The following ZEB2 variants were observed in gnomAD, a reference collection of about 807,000 sequenced individuals.
ZEB2 encodes the protein zinc finger E-box binding homeobox 2.
A neutral mutation model predicts 99.9 loss-of-function variants in ZEB2; 6 were observed. The ratio of observed to expected loss-of-function variants is 0.06; its 90% confidence interval spans 0.03 to 0.12. The LOEUF (loss-of-function observed/expected upper bound fraction) is 0.12, where lower values mean the gene tolerates loss of function less well. Ranked by LOEUF, ZEB2 falls within the 10% of genes least tolerant of loss-of-function variation. The probability of loss-of-function intolerance (pLI) is 1.00; values close to 1 mark genes in which losing one functional copy is unlikely to be tolerated. For synonymous variants in ZEB2, 517 were observed against 542.5 expected, an observed-to-expected ratio of 0.95 and a Z score of 0.65; for missense variants, 969 against 1,502.8, an observed-to-expected ratio of 0.64 and a Z score of 5.87.
chr2:144,388,768 C>A lies in ZEB2; in HGVS notation c.*683G>T. ...CAGATTAAAAGGTTTGCATATAAGG[C>A]TTTTAAAACCACCTTACAAAGGCTT... On this transcript the variant is annotated 3_prime_UTR_variant, in exon 10 of 10. Transcript: ENST00000627532. The surrounding 1 kb of genome is among the most constrained non-coding windows in gnomAD (Gnocchi z 5.4). The A allele has an allele frequency of 2.4e-6, 1 of 414,696 alleles. No homozygotes were observed. 25.7% of individuals were successfully genotyped at this position (414,696 alleles called of 1,614,324 possible).
At chr2:144,508,085 C>T (rs745923697) in intron 2 of ZEB2, among the ~76,000 whole-genome samples, 17 of 152,140 alleles carry the variant, frequency 1.1e-4, no homozygotes, top group South Asian at 6.2e-4. Context: ...CATGCTTGGT[C>T]GTTCATACAA....
intron 2 of ZEB2, chr2:144,462,630 C>G (rs1188850300): frequency 6.6e-6 from 1 of 152,008 alleles, no homozygotes; most frequent in Non-Finnish European, 1.5e-5. Context: ...TTTTTCAGAA[C>G]CAAAAAATTA....
chr2:144,466,429 T>G (rs931966048), intron 2 of ZEB2, among the ~76,000 whole-genome samples: 1 of 152,168 alleles, frequency 6.6e-6, no homozygotes, highest in Non-Finnish European at 1.5e-5. Context: ...TTTCTTTATA[T>G]GAAAAACGAA....
chr2:144,467,428 T>G (rs1028687788), intron 2 of ZEB2, among the ~76,000 whole-genome samples: 9 of 152,126 alleles, frequency 5.9e-5, no homozygotes, highest in Admixed American at 2.0e-4. Context: ...TGGAGGCGGA[T>G]AGTGGGGAGA....
At chr2:144,506,185 C>T (rs907850408) in intron 2 of ZEB2, among the ~76,000 whole-genome samples, 5 of 152,152 alleles carry the variant, frequency 3.3e-5, no homozygotes, top group Admixed American at 6.5e-5. Context: ...ATTAATTCTT[C>T]GCCTCTACTA....
chr2:144,428,071 T>C (rs1202151071), intron 3 of ZEB2: 2 of 152,222 alleles, frequency 1.3e-5, no homozygotes, highest in Non-Finnish European at 1.5e-5. Context: ...AAAAGAGGTT[T>C]GGGGCTGTAC....
chr2:144,507,822 G>A (rs1384507606), intron 2 of ZEB2, among the ~76,000 whole-genome samples: 14 of 152,160 alleles, frequency 9.2e-5, no homozygotes. Flanking sequence ...TTGCTGAGGG[G>A]AGACAAAGTT....
chr2:144,459,688 TA>T (rs1018963404), intron 2 of ZEB2, among the ~76,000 whole-genome samples: 1 of 152,206 alleles, frequency 6.6e-6, no homozygotes, highest in African/African-American at 2.4e-5. Context: ...TTATTATTTC[TA>T]AAAAATCTTT....
chr2:144,436,684 G>A (rs562089869), intron 2 of ZEB2, among the ~76,000 whole-genome samples: 1 of 152,126 alleles, frequency 6.6e-6, no homozygotes, highest in Non-Finnish European at 1.5e-5. Context: ...CCATACATTT[G>A]TTGAGGTTCT....
intron 6 of ZEB2, among the ~76,000 whole-genome samples, chr2:144,402,624 A>C (rs1231798158): frequency 6.6e-6 from 1 of 152,208 alleles, no homozygotes; most frequent in East Asian, 1.9e-4. Flanking sequence ...ACTTTTCAAC[A>C]CCAAAGCTAC....
intron 6 of ZEB2, among the ~76,000 whole-genome samples, chr2:144,401,979 G>C (rs1330223538): frequency 1.3e-5 from 2 of 152,136 alleles, no homozygotes; most frequent in Admixed American, 6.5e-5. Context: ...ATTATCAAAC[G>C]TAAGAGACAA....
chr2:144,443,881 G>A (rs991313284), intron 2 of ZEB2, among the ~76,000 whole-genome samples: 3 of 151,668 alleles, frequency 2.0e-5, no homozygotes, highest in African/African-American at 7.3e-5. Context: ...AAAACAGTTT[G>A]TACTGTTCAG....
At chr2:144,485,962 C>A (rs144485902) in intron 2 of ZEB2, among the ~76,000 whole-genome samples, 4 of 152,276 alleles carry the variant, frequency 2.6e-5, no homozygotes, top group African/African-American at 7.2e-5. Context: ...AAAAAGGAAT[C>A]GGTGATTTTA....
intron 4 of ZEB2, among the ~76,000 whole-genome samples, chr2:144,409,657 T>C (rs1047141063): frequency 2.0e-5 from 3 of 152,194 alleles, no homozygotes; most frequent in Admixed American, 2.0e-4. Flanking sequence ...CAATCTTCTC[T>C]AAGGTTAGAT....
intron 2 of ZEB2, chr2:144,513,065 C>G: frequency 1.6e-6 from 2 of 1,287,178 alleles, no homozygotes; most frequent in Non-Finnish European, 2.0e-6. Context: ...ACTCTCGTTG[C>G]CCCATCCCAA....
chr2:144,463,774 A>T (rs1188693175), intron 2 of ZEB2: 3 of 152,224 alleles, frequency 2.0e-5, no homozygotes, highest in Admixed American at 6.6e-5. Flanking sequence ...TCAAGGCTGC[A>T]GTGAACCATG....
chr2:144,399,425 C>G lies in ZEB2; in HGVS notation c.1762G>C (p.Glu588Gln). The G allele has an allele frequency of 6.2e-7, 1 of 1,614,150 alleles. No individual in the cohort carries two copies. The highest frequency in any genetic ancestry group is 8.5e-7 in the Non-Finnish European group (1 of 1,180,018). ...AAAGGGATGGGGCCAGGAAAACTTT[C>G]TTTACAGAACTGGCATGAAAATGGA... The part of the protein sequence containing the change: ...STPFSCQFCK[E>Q]SFPGPIPLHQ... The change falls in exon 8 of 10, where the codon GAA becomes CAA. Residue 588 changes from glutamate (E) to glutamine (Q), a missense_variant. Physicochemically the swap from Glu to Gln is conservative, Grantham distance 29 (BLOSUM62 2). This residue lies in a region of ZEB2 where 11 missense variants were observed against 38.6 expected (regional missense o/e 0.28). Transcript: ENST00000627532. This position sits in a 1 kb window ranked among gnomAD's most constrained non-coding sequence, Gnocchi z 5.6.
intron 2 of ZEB2, chr2:144,463,311 A>G (rs1327402281): frequency 3.3e-5 from 5 of 152,150 alleles, no homozygotes; most frequent in Admixed American, 3.3e-4. Context: ...CAGCCTGTGA[A>G]GGATGTAACG....
intron 4 of ZEB2, chr2:144,405,320 A>G: frequency 2.8e-6 from 1 of 352,714 alleles, no homozygotes; most frequent in Non-Finnish European, 5.2e-6. Flanking sequence ...TTTTTCATAA[A>G]TTTTTTTTAA....
Sources: allele counts gnomAD v4.1 joint callset (sites outside exome capture counted in the v4.1 genomes callset), GRCh38; gene constraint gnomAD v4.1.1; regional missense constraint gnomAD v4.1.1; non-coding constraint Gnocchi (gnomAD v3.1); transcripts MANE v1.5; gene names NCBI Gene and HGNC (gene_info 2026-07-23, HGNC 2026-07-21).